Variants in FSBP observed in about 807,000 individuals in gnomAD.
FSBP encodes the protein fibrinogen silencer binding protein.
In FSBP, 18 loss-of-function variants were observed where a neutral mutation model predicts 24.6. The observed-to-expected ratio is 0.73, with a 90% CI of 0.51 to 1.08. The LOEUF is 1.08. FSBP is among the 50% of genes least tolerant of loss of function. FSBP has a pLI of 0.00. For synonymous variants in FSBP, 110 were observed against 125.8 expected (o/e 0.87, Z 0.84); for missense variants, 305 against 347.6 (o/e 0.88, Z 0.98).
rs1197455525 is a variant in FSBP, at chr8:94,436,617, C to T, written c.252G>A (p.Leu84=). ...AATCTGATTGGGTCTCTTTTTGCTG[C>T]AATAGCTCCTGTTTGGCATATTCTT... ...RLKEYAKQEL[L]QQKETQSDFK... The change falls in exon 1 of 2, where the codon TTG becomes TTA. Residue 84 remains leucine (L), a synonymous_variant. Transcript: ENST00000481490. 6.5e-7 allele frequency: 1 copy of T among 1,550,344 alleles called. No individual in the cohort carries two copies. The highest frequency in any genetic ancestry group is 1.4e-5 in the African/African-American group (1 of 73,016).
chr8:94,436,797 T>C lies in FSBP; in HGVS notation c.72A>G (p.Pro24=), dbSNP rs61746714. The stretch of plus-strand genomic sequence containing the variant: ...TGTGTTCTTCGAGAATTTTCACATA[T>C]GGCTTCACAAGCTTTAGCAAATCAA... ...EKLDLLKLVK[P]YVKILEEHTN... The change falls in exon 1 of 2, where the codon CCA becomes CCG. Residue 24 remains proline, a synonymous_variant. Coordinates refer to ENST00000481490, the MANE Select transcript of FSBP (RefSeq NM_001256141.2). 130 of 1,549,876 alleles carry C rather than the reference T, an allele frequency of 8.4e-5. No individual in the cohort carries two copies. The African/African-American group carries it at 1.2e-3, about 15-fold the overall frequency.
chr8:94,436,381 T>C (rs1812261284), intron 1 of FSBP, 114 bp downstream of exon 1: 1 of 1,299,498 alleles, frequency 7.7e-7, no homozygotes, highest in Non-Finnish European at 1.0e-6. Context: ...AAAGACACTA[T>C]TCATTGCTCC....
rs1812069983 is a variant in FSBP, at chr8:94,430,682, C to T, written c.*1449G>A. On this transcript the variant is annotated 3_prime_UTR_variant, in exon 2 of 2. Transcript: ENST00000481490. ...GGAAGCCCAATGGCTCAGTGAGGCC[C>T]ACTCACATGTTGTCTGTATAATGTT... The T allele has an allele frequency of 1.2e-6, 1 of 818,908 alleles. No homozygotes were observed. Among genetic ancestry groups the T allele is most frequent in the Admixed American group, 6.2e-5 (1 of 16,064 alleles). 50.7% of individuals were successfully genotyped at this position (818,908 alleles called of 1,614,324 possible).
chr8:94,432,791 T>G lies in FSBP; in HGVS notation c.375-135A>C, dbSNP rs1812146954. On this transcript the variant is annotated intron_variant, in intron 1 of 1. Coordinates refer to ENST00000481490, the MANE Select transcript of FSBP (RefSeq NM_001256141.2). ...TAAAGTTACAAAATAAAAAAAAATC[T>G]TAAACACTTGAAATACATTAAAGTG... is the stretch of plus-strand genomic sequence containing the variant. 9 of 1,172,690 alleles carry G rather than the reference T, an allele frequency of 7.7e-6. No individual in the cohort carries two copies. The South Asian group carries it at 2.5e-4, about 32-fold the overall frequency. 72.6% of individuals were successfully genotyped at this position (1,172,690 alleles called of 1,614,324 possible).
In FSBP at chr8:94,432,621, C is replaced by G; in HGVS notation, c.410G>C (p.Ser137Thr). 6.5e-7 allele frequency: 1 copy of G among 1,548,690 alleles called. No homozygotes were observed. Among genetic ancestry groups the G allele is most frequent in the East Asian group, 2.4e-5 (1 of 40,886 alleles). The change falls in exon 2 of 2, where the codon AGT (serine) becomes ACT (threonine). Residue 137 changes from serine (S) to threonine (T), a missense_variant. By Grantham distance (58) the Ser-to-Thr change is moderately conservative. Transcript: ENST00000481490. ...GTGATCCAACATTACCTGTAGTGAACTGGTACCAGCCTGTGCCTCCTCATC... is the reference window on the plus strand; with the variant it reads ...GTGATCCAACATTACCTGTAGTGAAGTGGTACCAGCCTGTGCCTCCTCATC... Reference protein sequence around the residue: ...NLDEEAQAGTSSLQVMLDHHP... With the variant: ...NLDEEAQAGTTSLQVMLDHHP...
rs943717107 is a variant in FSBP at position 94,429,621 on chromosome 8, T to C, written c.*2510A>G. 1.0e-6 allele frequency: 1 copy of C among 983,390 alleles called. No homozygotes were observed. The highest frequency in any genetic ancestry group is 1.7e-5 in the African/African-American group (1 of 57,204). The allele number at this position is 983,390 out of a possible 1,614,324, so 60.9% of individuals were successfully genotyped here. A position where few individuals can be genotyped will look rare whatever the true frequency, so the allele number is the denominator to read the frequency against. ...ACTGCCAAGATGTGTTTACTAGAAT[T>C]ATACTGGGAAACATTACCTCAAATT... On this transcript the variant is annotated 3_prime_UTR_variant, in exon 2 of 2. Transcript: ENST00000481490.
chr8:94,435,269 T>C (rs1240585225), intron 1 of FSBP, among the ~76,000 whole-genome samples: 1 of 152,078 alleles, frequency 6.6e-6, no homozygotes, highest in Non-Finnish European at 1.5e-5. Flanking sequence ...TGTATTCATG[T>C]CCTGGATTCC....
chr8:94,434,694 TTAAA>T (rs1323079437), intron 1 of FSBP, among the ~76,000 whole-genome samples: 1 of 151,576 alleles, frequency 6.6e-6, no homozygotes, highest in Non-Finnish European at 1.5e-5. Context: ...TATAAGCACA[TTAAA>T]TATATATATT....
In FSBP at chr8:94,431,542, T is replaced by C; in HGVS notation, c.*589A>G. 3.1e-6 allele frequency: 3 copies of C among 968,492 alleles called. No homozygotes were observed. Among genetic ancestry groups the C allele is most frequent in the Non-Finnish European group, 3.7e-6 (3 of 814,580 alleles). The allele number at this position is 968,492 out of a possible 1,614,324, so 60.0% of individuals were successfully genotyped here. A position where few individuals can be genotyped will look rare whatever the true frequency, so the allele number is the denominator to read the frequency against. The stretch of plus-strand genomic sequence containing the variant: ...AGAAAAACTAAGTGCTGGTCTCTGC[T>C]CTGCCATAAATAGCTTTGTTACCCT... On this transcript the variant is annotated 3_prime_UTR_variant, in exon 2 of 2. Coordinates refer to ENST00000481490, the MANE Select transcript of FSBP (RefSeq NM_001256141.2).
chr8:94,428,309 C>T lies in FSBP; in HGVS notation c.*3822G>A, dbSNP rs866139186. The T allele has an allele frequency of 2.4e-5, 24 of 982,832 alleles. No individual in the cohort carries two copies. Among genetic ancestry groups the T allele is most frequent in the Middle Eastern group, 5.2e-4 (1 of 1,906 alleles). The allele number at this position is 982,832 out of a possible 1,614,324, so 60.9% of individuals were successfully genotyped here. A position where few individuals can be genotyped will look rare whatever the true frequency, so the allele number is the denominator to read the frequency against. ...TTTTGTAATTAAAGCTCATGGACCC[C>T]AAACAATTGTCTATGATATGCAAGA... On this transcript the variant is annotated 3_prime_UTR_variant, in exon 2 of 2. Coordinates refer to ENST00000481490, the MANE Select transcript of FSBP (RefSeq NM_001256141.2).
chr8:94,429,073 A>T lies in FSBP; in HGVS notation c.*3058T>A, dbSNP rs1812017270. The T allele has an allele frequency of 1.0e-6, 1 of 985,272 alleles. No individual in the cohort carries two copies. The highest frequency in any genetic ancestry group is 1.2e-6 in the Non-Finnish European group (1 of 829,882). 61.0% of individuals were successfully genotyped at this position (985,272 alleles called of 1,614,324 possible). ...TGCAAATTAAAAGTAAACAAGACTGACTTGGAGAAAAACAAGATTGACTTG... is the reference window on the plus strand; with the variant it reads ...TGCAAATTAAAAGTAAACAAGACTGTCTTGGAGAAAAACAAGATTGACTTG... On this transcript the variant is annotated 3_prime_UTR_variant, in exon 2 of 2. Coordinates refer to ENST00000481490, the MANE Select transcript of FSBP (RefSeq NM_001256141.2).
At position 94,429,219 on chromosome 8, in the gene FSBP, GA is replaced by G; in HGVS notation, c.*2911del. The G allele has an allele frequency of 1.5e-6, 1 of 666,172 alleles. No individual in the cohort carries two copies. Among genetic ancestry groups the G allele is most frequent in the Non-Finnish European group, 1.9e-6 (1 of 538,618 alleles). 41.3% of individuals were successfully genotyped at this position (666,172 alleles called of 1,614,324 possible). A position where few individuals can be genotyped will look rare whatever the true frequency, so the allele number is the denominator to read the frequency against. ...GAATTGTGTCACCTAACACACTAAA[GA>G]AAAAGCAATCTTAAACAATGCTGCA... is the stretch of plus-strand genomic sequence containing the variant. On this transcript the variant is annotated 3_prime_UTR_variant, in exon 2 of 2. Coordinates refer to ENST00000481490, the MANE Select transcript of FSBP (RefSeq NM_001256141.2).
In FSBP at chr8:94,432,390, T is replaced by A. The variant is rs1035075997; in HGVS notation, c.641A>T (p.Asp214Val). Residue 214 changes from aspartate to valine, a missense_variant, in exon 2 of 2, where the codon GAT becomes GTT. Coordinates refer to ENST00000481490, the MANE Select transcript of FSBP (RefSeq NM_001256141.2). ...TSSPSSIPRRDDFFRHESGEH... is the reference protein window; with the variant it reads ...TSSPSSIPRRVDFFRHESGEH... ...ACCACTCTCATGCCGAAAAAAATCA[T>A]CTCTCCTTGGAATAGAAGATGGAGA... 6.5e-6 allele frequency: 10 copies of A among 1,550,286 alleles called. No individual in the cohort carries two copies. The highest frequency in any genetic ancestry group is 2.7e-5 in the African/African-American group (2 of 73,034).
Position 94,428,947 on chromosome 8 carries a change from A to T in FSBP, c.*3184T>A. On this transcript the variant is annotated 3_prime_UTR_variant, in exon 2 of 2. Transcript: ENST00000481490. ...GGAAAAGGATTCTATGGTCAAATAAATAATTTTCTTTATACAGGAATTCTC... is the reference window on the plus strand; with the variant it reads ...GGAAAAGGATTCTATGGTCAAATAATTAATTTTCTTTATACAGGAATTCTC... The T allele has an allele frequency of 8.1e-6, 8 of 983,604 alleles. No individual in the cohort carries two copies. The highest frequency in any genetic ancestry group is 8.5e-6 in the Non-Finnish European group (7 of 828,256). The allele number at this position is 983,604 out of a possible 1,614,324, so 60.9% of individuals were successfully genotyped here.
chr8:94,433,350 A>C (rs1482255831), intron 1 of FSBP, among the ~76,000 whole-genome samples: 1 of 152,072 alleles, frequency 6.6e-6, no homozygotes, highest in African/African-American at 2.4e-5. Flanking sequence ...AAAGTTCACA[A>C]GAGCAATGGT....
chr8:94,431,557 T>C lies in FSBP; in HGVS notation c.*574A>G, dbSNP rs1420490436. On this transcript the variant is annotated 3_prime_UTR_variant, in exon 2 of 2. Transcript: ENST00000481490. ...TGGTCTCTGCTCTGCCATAAATAGC[T>C]TTGTTACCCTAAGTAAGTCATTGAG... 2.1e-6 allele frequency: 2 copies of C among 952,640 alleles called. No individual in the cohort carries two copies. The highest frequency in any genetic ancestry group is 3.5e-5 in the African/African-American group (2 of 56,518). The allele number at this position is 952,640 out of a possible 1,614,324, so 59.0% of individuals were successfully genotyped here. A position where few individuals can be genotyped will look rare whatever the true frequency, so the allele number is the denominator to read the frequency against.
Position 94,432,002 on chromosome 8 carries a change from CT to C in FSBP, c.*128del. 2.3e-6 allele frequency: 3 copies of C among 1,304,594 alleles called. No individual in the cohort carries two copies. The highest frequency in any genetic ancestry group is 2.9e-6 in the Non-Finnish European group (3 of 1,025,210). The allele number at this position is 1,304,594 out of a possible 1,614,324, so 80.8% of individuals were successfully genotyped here. Reference sequence around the variant, plus strand: ...AAAGAAAATAATTAGAAAATTATATCTAAAAAGTTTTTCCATAATAGAGATT... The same window carrying C: ...AAAGAAAATAATTAGAAAATTATATCAAAAAGTTTTTCCATAATAGAGATT... On this transcript the variant is annotated 3_prime_UTR_variant, in exon 2 of 2. Coordinates refer to ENST00000481490, the MANE Select transcript of FSBP (RefSeq NM_001256141.2).
chr8:94,435,009 C>T (rs1812218206), intron 1 of FSBP, among the ~76,000 whole-genome samples: 1 of 151,822 alleles, frequency 6.6e-6, no homozygotes, highest in African/African-American at 2.4e-5. Context: ...ATGCAACTAA[C>T]TAAAATTACA....
Position 94,432,323 on chromosome 8 carries a change from C to A in FSBP, c.708G>T (p.Leu236=), listed in dbSNP as rs945609856. Residue 236 remains leucine (L), a synonymous_variant, in exon 2 of 2, where the codon CTG becomes CTT. Coordinates refer to ENST00000481490, the MANE Select transcript of FSBP (RefSeq NM_001256141.2). ...TCTGATGCTCCTCTTTCAACATTTG[C>A]AGGATCTGAGGATCATACCCTAATA... ...RSLLGYDPQI[L]QMLKEEHQII... 9.0e-6 allele frequency: 14 copies of A among 1,550,178 alleles called. No homozygotes were observed. In the African/African-American group the frequency reaches 1.9e-4, roughly 21 times the overall value.
Sources: gnomAD v4.1 joint callset for allele counts (sites outside exome capture counted in the v4.1 genomes callset) on GRCh38, gnomAD v4.1.1 for gene constraint, MANE v1.5 for transcripts, NCBI Gene and HGNC (gene_info 2026-07-23, HGNC 2026-07-21) for gene names.